ENTPD5: variants seen among roughly 807,000 people sequenced by gnomAD.
ENTPD5 encodes the protein ectonucleoside triphosphate diphosphohydrolase 5 (inactive).
Under a neutral mutation model 60.2 loss-of-function variants are expected in ENTPD5, and 49 were observed. The observed-to-expected ratio is 0.81, with a 90% CI of 0.65 to 1.03. The LOEUF is 1.03. ENTPD5 is among the 50% of genes least tolerant of loss of function. The pLI, the probability that ENTPD5 is intolerant of heterozygous loss-of-function variation, is 0.00. For missense variants in ENTPD5, 480 were observed against 507.6 expected (o/e 0.95, Z 0.52); for synonymous variants, 187 against 185.4 (o/e 1.01, Z -0.07).
chr14:73,993,086 C>T (rs754076089), intron 3 of ENTPD5, among the ~76,000 whole-genome samples: 13 of 152,062 alleles, frequency 8.5e-5, no homozygotes, highest in Admixed American at 1.3e-4. Context: ...CCTGTAATCC[C>T]GGCAGTTCGA....
At chr14:73,983,797 G>A (rs2057792476) in intron 5 of ENTPD5, among the ~76,000 whole-genome samples, 1 of 149,856 alleles carries the variant, frequency 6.7e-6, no homozygotes, top group Non-Finnish European at 1.5e-5. Flanking sequence ...TTCAAGCGAT[G>A]CTTGTGCCTC....
At chr14:73,960,920 G>A (rs547084479), downstream of ENTPD5, 122 of 581,220 alleles carry the variant, frequency 2.1e-4, no homozygotes, top group Non-Finnish European at 3.3e-4. Flanking sequence ...TATTGAGGGT[G>A]GGGACTAGTG....
intron 3 of ENTPD5, among the ~76,000 whole-genome samples, chr14:73,990,838 G>A (rs1200734027): frequency 6.6e-6 from 1 of 151,792 alleles, no homozygotes; most frequent in Non-Finnish European, 1.5e-5. Context: ...AGACCAGCAT[G>A]ACCAATATGG....
At chr14:73,956,282 CA>C (rs1356879092), downstream of ENTPD5, 1 of 259,988 alleles carries the variant, frequency 3.8e-6, no homozygotes, top group Non-Finnish European at 7.6e-6. Flanking sequence ...GAGCCGAGAT[CA>C]CGCCACTGCA....
chr14:73,959,113 C>T (rs756154994), downstream of ENTPD5: 29 of 1,614,044 alleles, frequency 1.8e-5, no homozygotes, highest in South Asian at 2.9e-4. Context: ...GGACTTTATT[C>T]ATAGGCACTA....
At chr14:73,985,945 G>A (rs1203219786) in intron 5 of ENTPD5, among the ~76,000 whole-genome samples, 5 of 151,648 alleles carry the variant, frequency 3.3e-5, no homozygotes, top group African/African-American at 1.2e-4. Context: ...GGTGGCACAT[G>A]CCTGTAGTCC....
intron 3 of ENTPD5, among the ~76,000 whole-genome samples, chr14:74,003,756 T>C (rs2058581100): frequency 6.6e-6 from 1 of 151,664 alleles, no homozygotes. Context: ...AATCATCTCT[T>C]CTGCTGTCTT....
At position 73,964,633 on chromosome 14, in the gene ENTPD5, A is replaced by G. The variant is rs1048419763; in HGVS notation, c.*2295T>C. ...TTAGTGAACACAGCTTACCTCTTTT[A>G]AAACTGCTGGTTTCTACTGAAGGAA... On this transcript the variant is annotated 3_prime_UTR_variant, in exon 16 of 16. Transcript: ENST00000334696. 2 of 152,356 alleles carry G rather than the reference A, an allele frequency of 1.3e-5. No individual in the cohort carries two copies. The highest frequency in any genetic ancestry group is 3.4e-3 in the Middle Eastern group (1 of 294). 9.4% of individuals were successfully genotyped at this position (152,356 alleles called of 1,614,324 possible).
intron 2 of ENTPD5, among the ~76,000 whole-genome samples, chr14:74,014,429 T>C (rs553359120): frequency 6.7e-6 from 1 of 148,858 alleles, no homozygotes; most frequent in African/African-American, 2.4e-5. Context: ...CACAAGCCTG[T>C]GCTCCTAGCT....
downstream of ENTPD5, chr14:73,960,500 A>C (rs771523517): frequency 1.4e-5 from 14 of 996,530 alleles, no homozygotes; most frequent in Non-Finnish European, 1.6e-5. Flanking sequence ...GAACATACTG[A>C]AATGGATTCC....
chr14:74,003,534 T>C (rs2058572897), intron 3 of ENTPD5: 5 of 849,192 alleles, frequency 5.9e-6, no homozygotes, highest in Non-Finnish European at 7.5e-6. Context: ...TGCCAGATGC[T>C]GGGGATGCTG....
rs1317622461 is a variant in ENTPD5, at chr14:73,987,902, A to G, written c.201T>C (p.Phe67=). 1.2e-6 allele frequency: 2 copies of G among 1,614,048 alleles called. No individual in the cohort carries two copies. The highest frequency in any genetic ancestry group is 3.3e-5 in the Admixed American group (2 of 59,990). Reference sequence around the variant, plus strand: ...TGCACTTACCTGGCATTTTCTGCACAAAGGTGTAAACATGAATTCGAGTTC... The same window carrying G: ...TGCACTTACCTGGCATTTTCTGCACGAAGGTGTAAACATGAATTCGAGTTC... The part of the protein sequence containing the change: ...STGTRIHVYT[F]VQKMPGQLPI... The change falls in exon 4 of 16, where the codon TTT becomes TTC. Residue 67 remains phenylalanine (F), a synonymous_variant. Coordinates refer to ENST00000334696, the MANE Select transcript of ENTPD5 (RefSeq NM_001249.5).
intron 5 of ENTPD5, among the ~76,000 whole-genome samples, chr14:73,983,718 T>G (rs2057789005): frequency 6.6e-6 from 1 of 151,412 alleles, no homozygotes; most frequent in African/African-American, 2.4e-5. Flanking sequence ...ATTCTTGCTC[T>G]GTCACCCAGG....
chr14:73,958,486 G>A, downstream of ENTPD5: 2 of 1,398,880 alleles, frequency 1.4e-6, no homozygotes, highest in African/African-American at 1.4e-5. Context: ...GTCTTAGGTT[G>A]TGAAATAACA....
downstream of ENTPD5, chr14:73,956,284 C>T (rs569736386): frequency 5.8e-5 from 15 of 260,342 alleles, no homozygotes; most frequent in South Asian, 2.4e-4. Flanking sequence ...GCCGAGATCA[C>T]GCCACTGCAC....
chr14:73,971,811 G>C (rs960041651), intron 14 of ENTPD5, 41 bp downstream of exon 14: 5 of 1,414,744 alleles, frequency 3.5e-6, no homozygotes, highest in Non-Finnish European at 5.0e-6. Flanking sequence ...TAGGCAGGCA[G>C]TCTCACAGGC....
At chr14:73,979,188 T>A (rs1256985772) in intron 6 of ENTPD5, among the ~76,000 whole-genome samples, 1 of 152,154 alleles carries the variant, frequency 6.6e-6, no homozygotes, top group Non-Finnish European at 1.5e-5. Context: ...AGATCTCTGA[T>A]CAACTGAATT....
At chr14:74,014,200 G>C (rs1381960500) in intron 2 of ENTPD5, among the ~76,000 whole-genome samples, 1 of 152,214 alleles carries the variant, frequency 6.6e-6, no homozygotes, top group African/African-American at 2.4e-5. Context: ...TTGGGAAGCT[G>C]AAGTAGGAGG....
intron 3 of ENTPD5, among the ~76,000 whole-genome samples, chr14:74,001,831 C>T (rs578073184): frequency 4.6e-5 from 7 of 152,024 alleles, no homozygotes; most frequent in African/African-American, 7.2e-5. Context: ...CCAGCCTATG[C>T]GACAGAGTGA....
Sources: allele counts gnomAD v4.1 joint callset (sites outside exome capture counted in the v4.1 genomes callset), GRCh38; gene constraint gnomAD v4.1.1; transcripts MANE v1.5; gene names NCBI Gene and HGNC (gene_info 2026-07-23, HGNC 2026-07-21).